Variants in CLMN observed in about 807,000 individuals in gnomAD.
CLMN encodes calmin (calponin-like, transmembrane).
CLMN carries 57 observed loss-of-function variants against 92.7 expected under a neutral mutation model. The ratio of observed to expected loss-of-function variants is 0.61; its 90% confidence interval spans 0.50 to 0.77. CLMN has a LOEUF of 0.77. Among genes scored for constraint, CLMN ranks in the 30% least tolerant of loss-of-function variants. The probability of loss-of-function intolerance (pLI) is 0.00; values close to 1 mark genes in which losing one functional copy is unlikely to be tolerated. For synonymous variants in CLMN, 466 were observed against 470.6 expected, an observed-to-expected ratio of 0.99 and a Z score of 0.13; for missense variants, 1,158 against 1,237.5, an observed-to-expected ratio of 0.94 and a Z score of 0.96.
At chr14:95,228,382 T>C (rs1897777202) in intron 2 of CLMN, among the ~76,000 whole-genome samples, 1 of 152,226 alleles carries the variant, frequency 6.6e-6, no homozygotes, top group Non-Finnish European at 1.5e-5. Flanking sequence ...TGATGATTTA[T>C]AAGCTTCATC....
At chr14:95,215,018 T>A (rs1282191808) in intron 5 of CLMN, among the ~76,000 whole-genome samples, 1 of 152,186 alleles carries the variant, frequency 6.6e-6, no homozygotes, top group African/African-American at 2.4e-5. Context: ...GATGGGTTGA[T>A]GGGTGCGGCA....
At chr14:95,282,626 T>C (rs975185242) in intron 1 of CLMN, among the ~76,000 whole-genome samples, 1 of 152,170 alleles carries the variant, frequency 6.6e-6, no homozygotes, top group African/African-American at 2.4e-5. Context: ...ACCCCACCTA[T>C]GCAGAGGGCA....
At chr14:95,212,072 T>G (rs867430805) in intron 6 of CLMN, among the ~76,000 whole-genome samples, 1 of 152,232 alleles carries the variant, frequency 6.6e-6, no homozygotes, top group Non-Finnish European at 1.5e-5. Flanking sequence ...ATTTGTCAAT[T>G]TCAATCTACC....
rs1897952046 is a variant in CLMN, at chr14:95,233,397, ATCCATCCATTCATCCATCTG to A, written c.83-3284_83-3265del. Among the ~76,000 whole-genome samples, 8 of 151,574 alleles carry A rather than the reference ATCCATCCATTCATCCATCTG, an allele frequency of 5.3e-5. No homozygotes were observed. The South Asian group carries it at 1.7e-3, about 32-fold the overall frequency. On this transcript the variant is annotated intron_variant, in intron 1 of 12. Coordinates refer to ENST00000298912, the MANE Select transcript of CLMN (RefSeq NM_024734.4). ...CATCCATCTATCCAACCATCCATTT[ATCCATCCATTCATCCATCTG>A]TCCATCCATCCATTCATCCATCTGT...
At chr14:95,295,250 T>C (rs1198376346) in intron 1 of CLMN, among the ~76,000 whole-genome samples, 1 of 152,214 alleles carries the variant, frequency 6.6e-6, no homozygotes, top group Admixed American at 6.5e-5. Flanking sequence ...AGCTGGTTAG[T>C]TCAGTCTAAT....
intron 1 of CLMN, among the ~76,000 whole-genome samples, chr14:95,248,773 C>G (rs1051036044): frequency 2.0e-5 from 3 of 152,086 alleles, no homozygotes; most frequent in Admixed American, 6.6e-5. Flanking sequence ...AAAGGGCTTC[C>G]CTGCATAAAC....
Position 95,309,683 on chromosome 14 carries a change from C to G in CLMN, c.82+10028G>C, listed in dbSNP as rs562217493. ...TGGTGGCAGCCCTATGACCACAGCC[C>G]TGGTCTGTGCACTCTCAGCTAAAGC... On this transcript the variant is annotated intron_variant, in intron 1 of 12. Transcript: ENST00000298912. Among the ~76,000 whole-genome samples, 74 of 152,218 alleles carry G rather than the reference C, an allele frequency of 4.9e-4. 2 individuals are homozygous for G. The highest frequency in any genetic ancestry group is 1.7e-3 in the African/African-American group (72 of 41,450).
intron 1 of CLMN, among the ~76,000 whole-genome samples, chr14:95,231,423 C>CA (rs1897885695): frequency 6.6e-6 from 1 of 152,132 alleles, no homozygotes; most frequent in Non-Finnish European, 1.5e-5. Context: ...TGGTCTCGAT[C>CA]TCCTGACCTC....
intron 1 of CLMN, among the ~76,000 whole-genome samples, chr14:95,289,092 T>A (rs1237295655): frequency 6.6e-6 from 1 of 152,238 alleles, no homozygotes; most frequent in African/African-American, 2.4e-5. Context: ...AGATGTGGCC[T>A]CTGCCTGCAT....
At chr14:95,290,909 G>A (rs1298305245) in intron 1 of CLMN, among the ~76,000 whole-genome samples, 8 of 152,114 alleles carry the variant, frequency 5.3e-5, no homozygotes, top group South Asian at 2.1e-4. Flanking sequence ...GGATACCGAC[G>A]CAGAATAACT....
intron 3 of CLMN, among the ~76,000 whole-genome samples, chr14:95,222,059 G>A (rs1466615500): frequency 6.6e-6 from 1 of 152,124 alleles, no homozygotes; most frequent in African/African-American, 2.4e-5. Flanking sequence ...GGGTCAGCAA[G>A]GGACAAATTT....
chr14:95,306,785 G>T (rs28645215), intron 1 of CLMN, among the ~76,000 whole-genome samples: 14,040 of 152,166 alleles, frequency 0.092, 942 homozygotes, highest in African/African-American at 0.19. Flanking sequence ...CCCCAGTTAC[G>T]GATCTTATCA....
chr14:95,193,785 C>T (rs1896619887), intron 12 of CLMN, 64 bp downstream of exon 12: 12 of 1,594,970 alleles, frequency 7.5e-6, no homozygotes, highest in Non-Finnish European at 1.0e-5. Context: ...CCCTGTAAGG[C>T]AGGCTGCAGA....
rs1034208918 is a variant in CLMN at position 95,194,684 on chromosome 14, C to T, written c.2709-88G>A. Reference sequence around the variant, plus strand: ...GGTCACCCCCATCCTGGGGTTTCCACGTATGGGTTTAGGCAAGCGACAACT... The same window carrying T: ...GGTCACCCCCATCCTGGGGTTTCCATGTATGGGTTTAGGCAAGCGACAACT... On this transcript the variant is annotated intron_variant, in intron 10 of 12. Coordinates refer to ENST00000298912, the MANE Select transcript of CLMN (RefSeq NM_024734.4). This position sits in a 1 kb window ranked among gnomAD's most constrained non-coding sequence, Gnocchi z 4.0. The T allele has an allele frequency of 1.5e-5, 19 of 1,267,834 alleles. No individual in the cohort carries two copies. Among genetic ancestry groups the T allele is most frequent in the African/African-American group, 1.2e-4 (8 of 67,976 alleles). The allele number at this position is 1,267,834 out of a possible 1,614,324, so 78.5% of individuals were successfully genotyped here.
At chr14:95,240,226 AG>A (rs1898197916) in intron 1 of CLMN, among the ~76,000 whole-genome samples, 1 of 152,226 alleles carries the variant, frequency 6.6e-6, no homozygotes, top group Non-Finnish European at 1.5e-5. Context: ...TTCATAAATC[AG>A]GGGAAGATGA....
At chr14:95,261,792 A>T (rs1899267544) in intron 1 of CLMN, among the ~76,000 whole-genome samples, 1 of 152,196 alleles carries the variant, frequency 6.6e-6, no homozygotes, top group African/African-American at 2.4e-5. Flanking sequence ...TATGCCCCAG[A>T]TGACATGGGG....
chr14:95,202,659 G>A (rs974181836), intron 9 of CLMN, among the ~76,000 whole-genome samples, 179 bp downstream of exon 9: 3 of 152,222 alleles, frequency 2.0e-5, no homozygotes, highest in Non-Finnish European at 2.9e-5. Flanking sequence ...TCACTCTCAG[G>A]TGCCAACCCT....
chr14:95,274,899 A>T (rs1899864702), intron 1 of CLMN, among the ~76,000 whole-genome samples: 1 of 151,366 alleles, frequency 6.6e-6, no homozygotes, highest in Non-Finnish European at 1.5e-5. Flanking sequence ...GAATCGCTTG[A>T]ACCCAGGGGG....
chr14:95,251,654 G>C (rs79069928), intron 1 of CLMN, among the ~76,000 whole-genome samples: 11,790 of 152,116 alleles, frequency 0.078, 518 homozygotes, highest in South Asian at 0.14. Context: ...TTATGCTCAG[G>C]GTCACACACA....
Sources: allele counts gnomAD v4.1 joint callset (sites outside exome capture counted in the v4.1 genomes callset), GRCh38; gene constraint gnomAD v4.1.1; non-coding constraint Gnocchi (gnomAD v3.1); transcripts MANE v1.5; gene names NCBI Gene and HGNC (gene_info 2026-07-23, HGNC 2026-07-21).